The following PSIP1 variants were observed in gnomAD, a reference collection of about 807,000 sequenced individuals.
PSIP1 encodes the protein PC4 and SFRS1-interacting protein.
Under a neutral mutation model 74.7 loss-of-function variants are expected in PSIP1, and 19 were observed. The observed-to-expected ratio is 0.25, with a 90% confidence interval of 0.18 to 0.37. PSIP1 has a LOEUF of 0.37. Ranked by LOEUF, PSIP1 falls within the 10% of genes least tolerant of loss-of-function variation. The probability of loss-of-function intolerance (pLI) is 1.00; values close to 1 mark genes in which losing one functional copy is unlikely to be tolerated. For missense variants in PSIP1, 601 were observed against 614.3 expected (o/e 0.98, Z 0.23); for synonymous variants, 222 against 195.3 (o/e 1.14, Z -1.14).
chr9:15,486,089 C>T (rs375917000), intron 5 of PSIP1, 21 bp from the exon 6 acceptor site: 1 of 1,526,800 alleles, frequency 6.5e-7, no homozygotes, highest in East Asian at 2.3e-5. Flanking sequence ...AAAAAGAAAA[C>T]TGAATACTGA....
intron 3 of PSIP1, 193 bp downstream of exon 3, chr9:15,506,368 T>A (rs766699783): frequency 2.8e-5 from 12 of 427,060 alleles, no homozygotes; most frequent in Non-Finnish European, 4.6e-5. Flanking sequence ...TAAGGAAATA[T>A]CAATTCCAGT....
At chr9:15,468,884 T>C (rs1471494397) in intron 13 of PSIP1, 41 bp from the exon 14 acceptor site, 14 of 1,605,266 alleles carry the variant, frequency 8.7e-6, no homozygotes, top group African/African-American at 2.7e-5. Context: ...GTTTTCCTAA[T>C]TGATTTTTTA....
chr9:15,479,827 A>G, intron 6 of PSIP1, 140 bp from the exon 7 acceptor site: 1 of 504,148 alleles, frequency 2.0e-6, no homozygotes, highest in Non-Finnish European at 3.4e-6. Context: ...TGTTTTTTCA[A>G]CAATCAACTC....
intron 3 of PSIP1, among the ~76,000 whole-genome samples, chr9:15,504,625 T>A (rs1186923544): frequency 1.3e-5 from 2 of 151,644 alleles, no homozygotes; most frequent in African/African-American, 4.9e-5. Flanking sequence ...TAGTCCCAGC[T>A]ACTCGGGAGG....
chr9:15,499,647 G>C (rs966176610), intron 3 of PSIP1, among the ~76,000 whole-genome samples: 1 of 152,188 alleles, frequency 6.6e-6, no homozygotes. Flanking sequence ...GCTGAGGTGG[G>C]AGGAACATTT....
intron 8 of PSIP1, among the ~76,000 whole-genome samples, chr9:15,475,727 G>T (rs1286424372): frequency 6.6e-6 from 1 of 152,108 alleles, no homozygotes; most frequent in Admixed American, 6.6e-5. Context: ...AATAATCTTT[G>T]TGCCAAAACA....
At chr9:15,490,421 G>A (rs916885118) in intron 3 of PSIP1, among the ~76,000 whole-genome samples, 6 of 152,038 alleles carry the variant, frequency 3.9e-5, no homozygotes, top group East Asian at 1.9e-4. Flanking sequence ...GGTGCCTTAC[G>A]CCTGTAATCT....
intron 9 of PSIP1, among the ~76,000 whole-genome samples, chr9:15,473,303 T>C (rs183000064): frequency 1.5e-3 from 233 of 152,268 alleles, no homozygotes; most frequent in Non-Finnish European, 2.1e-3. Flanking sequence ...AAGAACTTCT[T>C]GGGGGTAAAT....
At position 15,464,938 on chromosome 9, in the gene PSIP1, CCATA is replaced by C. The variant is rs2035510172; in HGVS notation, c.*578_*581del. On this transcript the variant is annotated 3_prime_UTR_variant, in exon 16 of 16. Transcript: ENST00000380733. Reference sequence around the variant, plus strand: ...TAATTAGTTGTCATACCAAAAAAAACCATACAGAGCACACATTGTTCCAAAGAAG... The same window carrying C: ...TAATTAGTTGTCATACCAAAAAAAACCAGAGCACACATTGTTCCAAAGAAG... 1 of 214,512 alleles carries C rather than the reference CCATA, an allele frequency of 4.7e-6. No individual in the cohort carries two copies. The highest frequency in any genetic ancestry group is 7.0e-5 in the East Asian group (1 of 14,204). 13.3% of individuals were successfully genotyped at this position (214,512 alleles called of 1,614,324 possible).
rs1491160431 is a variant in PSIP1, at chr9:15,501,866, T to TATATAA, written c.149+4694_149+4695insTTATAT. On this transcript the variant is annotated intron_variant, in intron 3 of 15. Coordinates refer to ENST00000380733, the MANE Select transcript of PSIP1 (RefSeq NM_033222.5). ...ATATATATATATATATATATATATA[T>TATATAA]AAAACGCACACCCTCCCATATACTT... 3.5e-4 allele frequency among the ~76,000 whole-genome samples: 48 copies of TATATAA among 135,678 alleles called. 3 individuals carry two copies. In the East Asian group the frequency reaches 7.6e-3, roughly 21 times the overall value. The allele number at this position is 135,678 out of a possible 152,430, so 89.0% of individuals were successfully genotyped here.
chr9:15,472,441 A>G (rs1218131623), intron 10 of PSIP1, 191 bp downstream of exon 10: 13 of 1,372,180 alleles, frequency 9.5e-6, no homozygotes, highest in Non-Finnish European at 1.1e-5. Context: ...GCCTCAGTCA[A>G]TTTCATCCTC....
chr9:15,472,636 C>T lies in PSIP1; in HGVS notation c.973G>A (p.Glu325Lys), dbSNP rs1488613550. Residue 325 changes from glutamate (E) to lysine (K), a missense_variant, in exon 10 of 16, where the codon GAG becomes AAG. Coordinates refer to ENST00000380733, the MANE Select transcript of PSIP1 (RefSeq NM_033222.5). The part of the protein sequence containing the change: ...KRKQEEQMET[E>K]QQNKDEGKKP... ...TAGAAAAAAAAAAATACTTACTGCT[C>T]AGTTTCCATTTGTTCCTCTTGCTTG... 1 of 1,585,716 alleles carries T rather than the reference C, an allele frequency of 6.3e-7. No homozygotes were observed. The highest frequency in any genetic ancestry group is 8.5e-7 in the Non-Finnish European group (1 of 1,172,770).
intron 8 of PSIP1, among the ~76,000 whole-genome samples, chr9:15,475,609 A>C (rs2036041879): frequency 6.6e-6 from 1 of 152,206 alleles, no homozygotes; most frequent in African/African-American, 2.4e-5. Context: ...CTTAAGAATT[A>C]TAAAACATAC....
intron 3 of PSIP1, among the ~76,000 whole-genome samples, chr9:15,499,827 T>C (rs967673110): frequency 5.5e-5 from 8 of 145,482 alleles, no homozygotes; most frequent in African/African-American, 1.8e-4. Flanking sequence ...TGAGCCAAGA[T>C]CACGCCACTG....
At chr9:15,497,726 T>G (rs1017929744) in intron 3 of PSIP1, among the ~76,000 whole-genome samples, 79 of 152,286 alleles carry the variant, frequency 5.2e-4, no homozygotes, top group African/African-American at 1.9e-3. Context: ...AAGTAAATGC[T>G]AATGAATACA....
chr9:15,485,483 T>C lies in PSIP1; in HGVS notation c.456+523A>G, dbSNP rs541504368. On this transcript the variant is annotated intron_variant, in intron 6 of 15. Transcript: ENST00000380733. ...TGGTATATGATAATAATTTGAGACATAAATAGGTCAGAAAAGGGTGTGAAC... is the reference window on the plus strand; with the variant it reads ...TGGTATATGATAATAATTTGAGACACAAATAGGTCAGAAAAGGGTGTGAAC... Among the ~76,000 whole-genome samples, 206 of 152,276 alleles carry C rather than the reference T, an allele frequency of 1.4e-3. 1 individual carries two copies. The highest frequency in any genetic ancestry group is 4.8e-3 in the African/African-American group (201 of 41,556).
Position 15,468,861 on chromosome 9 carries a change from A to ATTCATCATAATTGTTTTCC in PSIP1, c.1207-37_1207-19dup. 6.2e-7 allele frequency: 1 copy of ATTCATCATAATTGTTTTCC among 1,607,808 alleles called. No homozygotes were observed. On this transcript the variant is annotated intron_variant, in intron 13 of 15. Coordinates refer to ENST00000380733, the MANE Select transcript of PSIP1 (RefSeq NM_033222.5). ...CGCCGTATCTGAGAAAACAATATAC[A>ATTCATCATAATTGTTTTCC]TTCATCATAATTGTTTTCCTAATTG... is the stretch of plus-strand genomic sequence containing the variant.
chr9:15,508,396 T>C (rs897404483), intron 2 of PSIP1, among the ~76,000 whole-genome samples: 3 of 152,184 alleles, frequency 2.0e-5, no homozygotes, highest in Non-Finnish European at 2.9e-5. Flanking sequence ...AGACAAACAC[T>C]TCCCTTCCAA....
intron 3 of PSIP1, chr9:15,492,281 T>A (rs7040094): frequency 9.2e-5 from 14 of 152,300 alleles, no homozygotes; most frequent in African/African-American, 3.4e-4. Flanking sequence ...GGGACAGGCA[T>A]TGGCTAAATA....
Sources: allele counts gnomAD v4.1 joint callset (sites outside exome capture counted in the v4.1 genomes callset), GRCh38; gene constraint gnomAD v4.1.1; transcripts MANE v1.5; gene names NCBI Gene and HGNC (gene_info 2026-07-23, HGNC 2026-07-21).